Variants in TXNDC8 observed in about 807,000 individuals in gnomAD.
TXNDC8 encodes thioredoxin domain-containing protein 8.
In TXNDC8, 15 loss-of-function variants were observed where a neutral mutation model predicts 12.9. That is an observed-to-expected ratio of 1.16 (90% CI 0.78 to 1.79). The LOEUF (loss-of-function observed/expected upper bound fraction) is 1.79, where lower values mean the gene tolerates loss of function less well. Among genes scored for constraint, TXNDC8 ranks in the 40% most tolerant of loss-of-function variants. TXNDC8 has a pLI of 0.00. For synonymous variants in TXNDC8, 40 were observed against 35.4 expected (o/e 1.13, Z -0.46); for missense variants, 128 against 113.2 (o/e 1.13, Z -0.59).
intron 3 of TXNDC8, among the ~76,000 whole-genome samples, chr9:110,318,686 T>C (rs1838977883): frequency 2.6e-5 from 4 of 151,556 alleles, no homozygotes; most frequent in Admixed American, 1.3e-4. Flanking sequence ...TGCAGTGAGC[T>C]GAGATAGTGC....
At chr9:110,305,591 T>C (rs1157039422) in intron 3 of TXNDC8, among the ~76,000 whole-genome samples, 7 of 137,876 alleles carry the variant, frequency 5.1e-5, no homozygotes, top group African/African-American at 2.3e-4. Flanking sequence ...TCTTTCTTTC[T>C]TTCTTTCTTT....
chr9:110,329,202 G>T lies in TXNDC8; in HGVS notation c.130-2962C>A, dbSNP rs373108568. The T allele has an allele frequency of 1.9e-6, 3 of 1,592,594 alleles. No homozygotes were observed. In the African/African-American group the frequency reaches 4.0e-5, roughly 21 times the overall value. On this transcript the variant is annotated intron_variant, in intron 2 of 4. Transcript: ENST00000423740. ...CAATTACAATGCCTTTGGATTTTGA[G>T]TATGTGCACAGAAGATTTAAGATTC...
At chr9:110,334,390 A>T (rs773409129) in intron 1 of TXNDC8, 70 bp from the exon 2 acceptor site, 31 of 1,378,970 alleles carry the variant, frequency 2.2e-5, no homozygotes, top group Non-Finnish European at 3.2e-5. Context: ...AGAGAAGAAG[A>T]TGACAGATTA....
intron 3 of TXNDC8, among the ~76,000 whole-genome samples, chr9:110,318,756 AG>A (rs1354651878): frequency 1.3e-5 from 2 of 152,146 alleles, no homozygotes; most frequent in Non-Finnish European, 1.5e-5. Context: ...AAAAATTTTA[AG>A]GGGTAGCTGC....
intron 1 of TXNDC8, among the ~76,000 whole-genome samples, chr9:110,334,537 T>A (rs1052693136): frequency 2.0e-5 from 3 of 152,208 alleles, no homozygotes; most frequent in Non-Finnish European, 2.9e-5. Flanking sequence ...AGCCACCTTA[T>A]CTGGCCATGT....
intron 3 of TXNDC8, among the ~76,000 whole-genome samples, chr9:110,309,186 T>C (rs1838568461): frequency 6.6e-6 from 1 of 152,204 alleles, no homozygotes; most frequent in Non-Finnish European, 1.5e-5. Context: ...AGAGACTGAA[T>C]TTTCTTAGCT....
At chr9:110,311,922 C>G (rs1317657070) in intron 3 of TXNDC8, among the ~76,000 whole-genome samples, 1 of 148,584 alleles carries the variant, frequency 6.7e-6, no homozygotes, top group African/African-American at 2.5e-5. Context: ...AAGTTTCACT[C>G]TTGTTGCTCA....
chr9:110,304,713 T>A lies in TXNDC8; in HGVS notation c.196-181A>T, dbSNP rs530510859. ...GGTGGCTCTTTGGCATGAAGGGAGG[T>A]TCATGATCCTCTGCAAAATCTGAGG... is the stretch of plus-strand genomic sequence containing the variant. On this transcript the variant is annotated intron_variant, in intron 3 of 4. Transcript: ENST00000423740. Among the ~76,000 whole-genome samples the A allele has an allele frequency of 7.2e-5, 11 of 152,014 alleles. No homozygotes were observed. In the East Asian group the frequency reaches 2.1e-3, roughly 29 times the overall value.
chr9:110,326,532 T>C (rs1468919469), intron 2 of TXNDC8, among the ~76,000 whole-genome samples: 1 of 152,100 alleles, frequency 6.6e-6, no homozygotes, highest in African/African-American at 2.4e-5. Context: ...TCAATAACAA[T>C]ATGAGCTGCA....
At chr9:110,326,977 T>TACACACAC (rs1293270860) in intron 2 of TXNDC8, among the ~76,000 whole-genome samples, 1 of 45,112 alleles carries the variant, frequency 2.2e-5, no homozygotes, top group Non-Finnish European at 5.9e-5. Flanking sequence ...CACACACACG[T>TACACACAC]GAAGACATAC....
intron 1 of TXNDC8, 137 bp downstream of exon 1, chr9:110,337,636 C>G: frequency 3.8e-6 from 3 of 790,436 alleles, no homozygotes; most frequent in Non-Finnish European, 6.0e-6. Flanking sequence ...AGATAAAGAA[C>G]AAGAATTTAG....
At chr9:110,309,030 G>A (rs375720432) in intron 3 of TXNDC8, among the ~76,000 whole-genome samples, 5 of 152,206 alleles carry the variant, frequency 3.3e-5, no homozygotes, top group African/African-American at 7.2e-5. Context: ...TTTACAGGAA[G>A]TGGTCTTGGC....
intron 3 of TXNDC8, among the ~76,000 whole-genome samples, chr9:110,318,820 A>G (rs1347977608): frequency 6.6e-6 from 1 of 152,222 alleles, no homozygotes; most frequent in African/African-American, 2.4e-5. Flanking sequence ...ATATAAAAGT[A>G]TTAAAACTCA....
chr9:110,334,899 A>G (rs925752363), intron 1 of TXNDC8, among the ~76,000 whole-genome samples: 13 of 122,554 alleles, frequency 1.1e-4, no homozygotes, highest in African/African-American at 4.3e-4. Flanking sequence ...TTGGGGGGGA[A>G]GTGATCATTA....
chr9:110,326,754 A>G (rs531347484), intron 2 of TXNDC8, among the ~76,000 whole-genome samples: 4 of 152,194 alleles, frequency 2.6e-5, no homozygotes, highest in East Asian at 1.9e-4. Context: ...GAGCCAAAAT[A>G]TGAGAAAATA....
At chr9:110,321,724 G>GGA (rs368616000) in intron 3 of TXNDC8, among the ~76,000 whole-genome samples, 1 of 141,790 alleles carries the variant, frequency 7.1e-6, no homozygotes, top group Non-Finnish European at 1.5e-5. Context: ...TCAGTTCTAT[G>GGA]AAAAAAAAAA....
intron 3 of TXNDC8, among the ~76,000 whole-genome samples, chr9:110,313,515 A>G (rs534015719): frequency 6.6e-6 from 1 of 152,226 alleles, no homozygotes; most frequent in South Asian, 2.1e-4. Context: ...AGCCTGGCCA[A>G]CGTGGCAAAA....
At chr9:110,317,869 C>T (rs1430036164) in intron 3 of TXNDC8, among the ~76,000 whole-genome samples, 1 of 152,254 alleles carries the variant, frequency 6.6e-6, no homozygotes, top group Admixed American at 6.5e-5. Flanking sequence ...TGACCCTTCA[C>T]CACCCCCTAG....
chr9:110,334,832 C>G (rs780684692), intron 1 of TXNDC8, among the ~76,000 whole-genome samples: 8 of 152,096 alleles, frequency 5.3e-5, no homozygotes, highest in Non-Finnish European at 8.8e-5. Flanking sequence ...ACATGCATGA[C>G]TAGTGAACTT....
Sources: allele counts gnomAD v4.1 joint callset (sites outside exome capture counted in the v4.1 genomes callset), GRCh38; gene constraint gnomAD v4.1.1; transcripts MANE v1.5; gene names NCBI Gene and HGNC (gene_info 2026-07-23, HGNC 2026-07-21).